The following TBC1D5 variants were observed in gnomAD, a reference collection of about 807,000 sequenced individuals.
TBC1D5 encodes TBC1 domain family, member 5.
TBC1D5 carries 75 observed loss-of-function variants against 100.3 expected under a neutral mutation model. That is an observed-to-expected ratio of 0.75 (90% CI 0.62 to 0.91). TBC1D5 has a LOEUF of 0.91. Ranked by LOEUF, TBC1D5 falls within the 40% of genes least tolerant of loss-of-function variation. The probability of loss-of-function intolerance (pLI) is 0.00; values close to 1 mark genes in which losing one functional copy is unlikely to be tolerated. For missense variants in TBC1D5, 910 were observed against 942.4 expected (o/e 0.97, Z 0.45); for synonymous variants, 323 against 325.6 (o/e 0.99, Z 0.09).
rs181034802 is a variant in TBC1D5, at chr3:17,189,651, G to A, written c.1753-4443C>T. 4.8e-4 allele frequency among the ~76,000 whole-genome samples: 73 copies of A among 152,304 alleles called. 1 individual carries two copies. The East Asian group carries it at 0.013, about 27-fold the overall frequency. On this transcript the variant is annotated intron_variant, in intron 18 of 21. Transcript: ENST00000253692. The stretch of plus-strand genomic sequence containing the variant: ...TAAAATATGGCCTACTCCTCTGTAA[G>A]CCACAGTCTCTGGAAGTGTATGCTA...
At chr3:17,718,323 C>T (rs913346112) in intron 1 of TBC1D5, among the ~76,000 whole-genome samples, 1 of 152,134 alleles carries the variant, frequency 6.6e-6, no homozygotes, top group South Asian at 2.1e-4. Flanking sequence ...TGGTCAGGCA[C>T]GGTGGCTCAC....
At chr3:17,336,230 T>C (rs927101870) in intron 13 of TBC1D5, among the ~76,000 whole-genome samples, 1 of 152,052 alleles carries the variant, frequency 6.6e-6, no homozygotes. Context: ...CACTATGCCA[T>C]ATACCTTGTA....
At chr3:17,420,015 C>T (rs1321195997) in intron 4 of TBC1D5, among the ~76,000 whole-genome samples, 4 of 152,040 alleles carry the variant, frequency 2.6e-5, no homozygotes, top group Non-Finnish European at 4.4e-5. Flanking sequence ...ATAAATGCCT[C>T]CATTATAATA....
At chr3:17,192,286 C>T (rs2070030869) in intron 18 of TBC1D5, among the ~76,000 whole-genome samples, 1 of 151,646 alleles carries the variant, frequency 6.6e-6, no homozygotes, top group African/African-American at 2.4e-5. Context: ...AAATCAAACT[C>T]CAAGTAATAT....
chr3:17,643,288 T>C (rs1053475363), intron 1 of TBC1D5, among the ~76,000 whole-genome samples: 1 of 152,152 alleles, frequency 6.6e-6, no homozygotes, highest in African/African-American at 2.4e-5. Context: ...CCCTCTTTGG[T>C]GTATCGTATT....
chr3:17,355,542 G>A (rs1384637483), intron 13 of TBC1D5, among the ~76,000 whole-genome samples: 1 of 152,034 alleles, frequency 6.6e-6, no homozygotes, highest in Non-Finnish European at 1.5e-5. Context: ...TCATCATCAA[G>A]AAATATCAAG....
At chr3:17,394,577 G>C (rs2093445631) in intron 8 of TBC1D5, among the ~76,000 whole-genome samples, 1 of 151,976 alleles carries the variant, frequency 6.6e-6, no homozygotes. Context: ...AAATCTAGGA[G>C]AATAAAAACA....
In TBC1D5 at chr3:17,720,002, A is replaced by C. The variant is rs2075561655; in HGVS notation, c.-101+19341T>G. The stretch of plus-strand genomic sequence containing the variant: ...CCAGCACTGCATGAATACTAATATC[A>C]CATGATCTAAAACTACACAAAAATT... On this transcript the variant is annotated intron_variant, in intron 1 of 21. Coordinates refer to ENST00000253692, the Ensembl canonical transcript of TBC1D5. Among the ~76,000 whole-genome samples, 3 of 100,032 alleles carry C rather than the reference A, an allele frequency of 3.0e-5. No individual in the cohort carries two copies. In the Admixed American group the frequency reaches 3.4e-4, roughly 11 times the overall value. 65.6% of individuals were successfully genotyped at this position (100,032 alleles called of 152,430 possible).
intron 1 of TBC1D5, among the ~76,000 whole-genome samples, chr3:17,709,337 T>A (rs55936740): frequency 6.6e-6 from 1 of 152,148 alleles, no homozygotes; most frequent in Non-Finnish European, 1.5e-5. Flanking sequence ...AAACAATTTA[T>A]TGAGCAAACT....
At chr3:17,386,785 A>G (rs1029880811) in intron 8 of TBC1D5, among the ~76,000 whole-genome samples, 1 of 152,140 alleles carries the variant, frequency 6.6e-6, no homozygotes, top group African/African-American at 2.4e-5. Context: ...TCATTGCTCA[A>G]TTAAACTCCA....
chr3:17,402,060 A>C (rs1043218989), intron 8 of TBC1D5, among the ~76,000 whole-genome samples: 5 of 152,010 alleles, frequency 3.3e-5, no homozygotes, highest in Admixed American at 2.6e-4. Context: ...AAATCATCCC[A>C]AACTTCCCAC....
intron 1 of TBC1D5, among the ~76,000 whole-genome samples, chr3:17,731,835 A>T (rs1397358544): frequency 2.6e-5 from 4 of 151,462 alleles, no homozygotes; most frequent in Admixed American, 1.3e-4. Flanking sequence ...GCTGAGATTA[A>T]AAAAAAAATT....
At chr3:17,496,128 T>A (rs1263729882) in intron 3 of TBC1D5, among the ~76,000 whole-genome samples, 2 of 152,222 alleles carry the variant, frequency 1.3e-5, no homozygotes, top group Non-Finnish European at 2.9e-5. Flanking sequence ...TCTTTCTTTT[T>A]TAAGGAGCCA....
chr3:17,233,709 C>T (rs1443093999), intron 17 of TBC1D5: 1 of 1,545,052 alleles, frequency 6.5e-7, no homozygotes, highest in Admixed American at 2.0e-5. Context: ...AGAGTCTGGA[C>T]AGGAACAGAA....
At chr3:17,588,652 T>A (rs2096747527) in intron 2 of TBC1D5, among the ~76,000 whole-genome samples, 1 of 152,162 alleles carries the variant, frequency 6.6e-6, no homozygotes, top group South Asian at 2.1e-4. Flanking sequence ...AGTTGTGCAC[T>A]CCTAGGGAGA....
At chr3:17,329,159 TA>T (rs1318131028) in intron 13 of TBC1D5, among the ~76,000 whole-genome samples, 1 of 152,200 alleles carries the variant, frequency 6.6e-6, no homozygotes, top group Non-Finnish European at 1.5e-5. Context: ...GAAAGTTTAT[TA>T]ATTATGGGAG....
At chr3:17,255,608 T>C (rs896536211) in intron 16 of TBC1D5, among the ~76,000 whole-genome samples, 15 of 152,244 alleles carry the variant, frequency 9.9e-5, no homozygotes, top group Non-Finnish European at 1.9e-4. Flanking sequence ...GTTTGTCTTT[T>C]GATTCAGTTT....
At chr3:17,379,378 A>C (rs2092839824) in intron 9 of TBC1D5, among the ~76,000 whole-genome samples, 1 of 152,042 alleles carries the variant, frequency 6.6e-6, no homozygotes, top group African/African-American at 2.4e-5. Context: ...ATTTTATAAC[A>C]AGTTATGGCT....
intron 1 of TBC1D5, among the ~76,000 whole-genome samples, chr3:17,678,063 A>T (rs1360433370): frequency 6.6e-6 from 1 of 152,180 alleles, no homozygotes; most frequent in East Asian, 1.9e-4. Flanking sequence ...TGGGTGCAGC[A>T]CACCAGCATG....
Sources: allele counts gnomAD v4.1 joint callset (sites outside exome capture counted in the v4.1 genomes callset), GRCh38; gene constraint gnomAD v4.1.1; transcripts MANE v1.5; gene names NCBI Gene and HGNC (gene_info 2026-07-23, HGNC 2026-07-21).